NEMF: variants seen among roughly 807,000 people sequenced by gnomAD.
The protein encoded by NEMF is ribosome quality control complex subunit NEMF.
A neutral mutation model predicts 162.2 loss-of-function variants in NEMF; 89 were observed. The ratio of observed to expected loss-of-function variants is 0.55; its 90% CI spans 0.46 to 0.65. The LOEUF is 0.65. NEMF is among the 30% of genes least tolerant of loss of function. The pLI is 0.00. For missense variants in NEMF, 1,133 were observed against 1,261.9 expected (o/e 0.90, Z 1.55); for synonymous variants, 421 against 404.5 (o/e 1.04, Z -0.49).
chr14:49,827,015 A>G (rs1892385631), intron 15 of NEMF, among the ~76,000 whole-genome samples: 1 of 152,096 alleles, frequency 6.6e-6, no homozygotes, highest in South Asian at 2.1e-4. Flanking sequence ...TTATTTTATG[A>G]ACAGCTAAGA....
rs1216641344 is a variant in NEMF, at chr14:49,831,295, A to G, written c.945+4T>C. ...GTTTAATATGTGTTTTTAATAATAC[A>G]TACCTGTTGTAAAGCTTTTAAGTCA... On this transcript the variant is annotated splice_donor_region_variant and intron_variant, in intron 11 of 32. Coordinates refer to ENST00000298310, the MANE Select transcript of NEMF (RefSeq NM_004713.6). 2 of 1,509,072 alleles carry G rather than the reference A, an allele frequency of 1.3e-6. No homozygotes were observed. Among genetic ancestry groups the G allele is most frequent in the African/African-American group, 1.4e-5 (1 of 72,908 alleles). The allele number at this position is 1,509,072 out of a possible 1,614,324, so 93.5% of individuals were successfully genotyped here. A position where few individuals can be genotyped will look rare whatever the true frequency, so the allele number is the denominator to read the frequency against.
intron 26 of NEMF, among the ~76,000 whole-genome samples, chr14:49,792,443 C>A (rs1890495782): frequency 6.6e-6 from 1 of 152,142 alleles, no homozygotes; most frequent in African/African-American, 2.4e-5. Flanking sequence ...AACTCCTGAC[C>A]TCAGGTGACC....
intron 5 of NEMF, among the ~76,000 whole-genome samples, chr14:49,838,826 C>T (rs1320507219): frequency 5.3e-5 from 8 of 152,166 alleles, no homozygotes; most frequent in South Asian, 4.2e-4. Context: ...CCTTGTGATC[C>T]GCCCACCTTG....
chr14:49,805,472 G>T (rs1208955163), intron 19 of NEMF, among the ~76,000 whole-genome samples: 1 of 149,212 alleles, frequency 6.7e-6, no homozygotes. Context: ...AGACCAGCTT[G>T]GCCAACATGG....
chr14:49,803,176 T>A, intron 20 of NEMF, 61 bp downstream of exon 20: 1 of 1,199,232 alleles, frequency 8.3e-7, no homozygotes, highest in Non-Finnish European at 1.2e-6. Flanking sequence ...GTAAACTGTC[T>A]CAAACCTGTC....
Position 49,799,544 on chromosome 14 carries a change from G to A in NEMF, c.2416-20C>T, listed in dbSNP as rs543673073. 1.2e-5 allele frequency: 19 copies of A among 1,605,754 alleles called. No homozygotes were observed. Among genetic ancestry groups the A allele is most frequent in the Non-Finnish European group, 1.4e-5 (17 of 1,177,830 alleles). ...GTCACTCTATTAAAACAAAAAAACA[G>A]GCAAATGCAAATATCACTATTAACT... On this transcript the variant is annotated intron_variant, in intron 24 of 32. Coordinates refer to ENST00000298310, the MANE Select transcript of NEMF (RefSeq NM_004713.6).
chr14:49,813,935 A>C, intron 18 of NEMF, 53 bp downstream of exon 18: 33 of 1,080,360 alleles, frequency 3.1e-5, no homozygotes, highest in Non-Finnish European at 4.4e-5. Context: ...CAGTCACACT[A>C]AAAATATTTT....
chr14:49,851,742 TA>T (rs1160880890), intron 2 of NEMF, 64 bp downstream of exon 2: 32 of 1,471,148 alleles, frequency 2.2e-5, no homozygotes, highest in African/African-American at 4.2e-5. Context: ...AAATGTAGGT[TA>T]AAAAAAATCA....
At chr14:49,796,467 A>T in intron 25 of NEMF, 1 of 288,376 alleles carries the variant, frequency 3.5e-6, no homozygotes. Flanking sequence ...GAGTCTACAT[A>T]CTCTGAATTT....
At chr14:49,785,604 A>G (rs1260896923) in intron 29 of NEMF, 6 of 346,628 alleles carry the variant, frequency 1.7e-5, no homozygotes, top group Non-Finnish European at 3.3e-5. Flanking sequence ...AAGAAGGCCC[A>G]GGAGCAGTGG....
At position 49,841,435 on chromosome 14, in the gene NEMF, G is replaced by A. The variant is rs145887564; in HGVS notation, c.358-569C>T. ...ACTAAAAATACAAAATTAGTTGGGC[G>A]TGGTGGTGCATGCCTGTAATCCCAG... On this transcript the variant is annotated intron_variant, in intron 4 of 32. Transcript: ENST00000298310. Among the ~76,000 whole-genome samples the A allele has an allele frequency of 3.7e-3, 555 of 150,922 alleles. 3 individuals are homozygous for A. Among genetic ancestry groups the A allele is most frequent in the South Asian group, 6.1e-3 (29 of 4,762 alleles).
intron 25 of NEMF, among the ~76,000 whole-genome samples, chr14:49,796,616 G>C (rs1391742299): frequency 1.3e-5 from 2 of 152,184 alleles, no homozygotes; most frequent in Admixed American, 6.5e-5. Flanking sequence ...CTCCCAAAGT[G>C]CTGGGATTAT....
intron 4 of NEMF, chr14:49,844,729 ACGC>A (rs1893395578): frequency 1.5e-5 from 1 of 68,634 alleles, no homozygotes; most frequent in East Asian, 4.3e-4. Context: ...ACGCACGCGC[ACGC>A]GCGCGCACAC....
chr14:49,828,295 TC>T lies in NEMF; in HGVS notation c.1483del (p.Glu495ArgfsTer15). The T allele has an allele frequency of 1.2e-6, 2 of 1,601,558 alleles. No individual in the cohort carries two copies. The highest frequency in any genetic ancestry group is 1.7e-6 in the Non-Finnish European group (2 of 1,169,558). ...ACTCTAAGAAATACTCAGTACCTTC[TC>T]AGCAGCTTCAACAGTCTTTTGTGTT... Reference protein sequence around the residue: ...KKTQKTVEAAEKAFKSAEKKT... With the variant: ...KKTQKTVEAAXKAFKSAEKKT... On this transcript the variant is annotated frameshift_variant, in exon 15 of 33. Transcript: ENST00000298310. LOFTEE classifies it high-confidence loss of function.
chr14:49,838,241 T>C (rs111972254), intron 5 of NEMF, 35 bp from the exon 6 acceptor site: 1 of 1,577,960 alleles, frequency 6.3e-7, no homozygotes, highest in Non-Finnish European at 8.7e-7. Flanking sequence ...CTATCATATC[T>C]TAAATAAACC....
In NEMF at chr14:49,784,355, G is replaced by A. The variant is rs1007386820; in HGVS notation, c.*281C>T. On this transcript the variant is annotated 3_prime_UTR_variant, in exon 33 of 33. Coordinates refer to ENST00000298310, the MANE Select transcript of NEMF (RefSeq NM_004713.6). The stretch of plus-strand genomic sequence containing the variant: ...CTTTACATCATGAAATGAATACTTG[G>A]TATTAACCTCCCAAATTTCAAGAAA... 3.5e-6 allele frequency: 1 copy of A among 283,796 alleles called. No homozygotes were observed. The highest frequency in any genetic ancestry group is 7.5e-5 in the South Asian group (1 of 13,374). The allele number at this position is 283,796 out of a possible 1,614,324, so 17.6% of individuals were successfully genotyped here. A position where few individuals can be genotyped will look rare whatever the true frequency, so the allele number is the denominator to read the frequency against.
rs1350960200 is a variant in NEMF at position 49,832,044 on chromosome 14, A to T, written c.882+7T>A. ...TAACTGGTAAAGGAACAGAACGGAA[A>T]ACCCACCTTGTCAAATGATTCAAAT... On this transcript the variant is annotated splice_region_variant and intron_variant, in intron 10 of 32. Coordinates refer to ENST00000298310, the MANE Select transcript of NEMF (RefSeq NM_004713.6). The T allele has an allele frequency of 2.5e-6, 4 of 1,588,370 alleles. No individual in the cohort carries two copies. The South Asian group carries it at 4.6e-5, about 18-fold the overall frequency.
chr14:49,785,198 C>T (rs755341362), intron 30 of NEMF, 22 bp downstream of exon 30: 2 of 1,605,896 alleles, frequency 1.2e-6, no homozygotes, highest in Non-Finnish European at 1.7e-6. Context: ...AAAAGCCATT[C>T]TGTCAACTAA....
At position 49,789,302 on chromosome 14, in the gene NEMF, C is replaced by G. The variant is rs527924490; in HGVS notation, c.2739G>C (p.Lys913Asn). The change falls in exon 28 of 33, where the codon AAG becomes AAC. Residue 913 changes from lysine to asparagine, a missense_variant. By Grantham distance (94) the Lys-to-Asn change is moderately conservative (BLOSUM62 0). Around this residue, in one of 3 missense-constraint regions of NEMF, gnomAD observed 532 missense variants for 578.6 expected, o/e 0.92. Transcript: ENST00000298310. ...SNKEEKGKKG[K>N]KGKTKDEPVK... Reference sequence around the variant, plus strand: ...CAGGTTCGTCCTTTGTTTTTCCTTTCTTCCCCTTCTTCCCTTTTTCTTCTT... The same window carrying G: ...CAGGTTCGTCCTTTGTTTTTCCTTTGTTCCCCTTCTTCCCTTTTTCTTCTT... The G allele has an allele frequency of 1.4e-5, 23 of 1,614,136 alleles. No homozygotes were observed. In the South Asian group the frequency reaches 2.2e-4, roughly 15 times the overall value.
Sources: allele counts gnomAD v4.1 joint callset (sites outside exome capture counted in the v4.1 genomes callset), GRCh38; gene constraint gnomAD v4.1.1; regional missense constraint gnomAD v4.1.1; transcripts MANE v1.5; gene names NCBI Gene and HGNC (gene_info 2026-07-23, HGNC 2026-07-21).